The following TP53BP1 variants were observed in gnomAD, a reference collection of about 807,000 sequenced individuals.
The protein encoded by TP53BP1 is TP53-binding protein 1.
TP53BP1 carries 61 observed loss-of-function variants against 200.8 expected under a neutral mutation model. That is an observed-to-expected ratio of 0.30 (90% CI 0.25 to 0.38). The LOEUF (loss-of-function observed/expected upper bound fraction) is 0.38, where lower values mean the gene tolerates loss of function less well. TP53BP1 is among the 10% of genes least tolerant of loss of function. The pLI, the probability that TP53BP1 is intolerant of heterozygous loss-of-function variation, is 1.00. For missense variants in TP53BP1, 2,144 were observed against 2,371.9 expected (o/e 0.90, Z 2.00); for synonymous variants, 822 against 844.3 (o/e 0.97, Z 0.46).
chr15:43,420,355 G>A lies in TP53BP1; in HGVS notation c.4631C>T (p.Pro1544Leu). 1 of 1,613,906 alleles carries A rather than the reference G, an allele frequency of 6.2e-7. No homozygotes were observed. Among genetic ancestry groups the A allele is most frequent in the Non-Finnish European group, 8.5e-7 (1 of 1,179,978 alleles). Residue 1544 changes from proline (P) to leucine (L), a missense_variant, in exon 21 of 28, where the codon CCG (proline) becomes CTG (leucine). Pro to Leu is a moderately conservative substitution (Grantham distance 98). Transcript: ENST00000382044. ...GKDILLCDPIPLDTEVTALSE... is the reference protein window; with the variant it reads ...GKDILLCDPILLDTEVTALSE... ...GAGGGCCGTCACTTCAGTGTCCAGC[G>A]GGATGGGGTCACATAACAGAATGTC...
chr15:43,403,462 A>G lies in TP53BP1; in HGVS notation c.*3921T>C, dbSNP rs2044743168. 6.3e-6 allele frequency: 3 copies of G among 478,192 alleles called. No individual in the cohort carries two copies. The highest frequency in any genetic ancestry group is 3.7e-5 in the East Asian group (1 of 26,902). The allele number at this position is 478,192 out of a possible 1,614,324, so 29.6% of individuals were successfully genotyped here. A position where few individuals can be genotyped will look rare whatever the true frequency, so the allele number is the denominator to read the frequency against. ...TAGATTGGAGGTTTGGTGCAGGGCT[A>G]AGAGAGTAATACTCGCTTAGCCAGG... On this transcript the variant is annotated 3_prime_UTR_variant, in exon 28 of 28. Coordinates refer to ENST00000382044, the MANE Select transcript of TP53BP1 (RefSeq NM_001141980.3).
At chr15:43,441,460 T>G in intron 15 of TP53BP1, 66 bp downstream of exon 15, 6 of 1,056,702 alleles carry the variant, frequency 5.7e-6, no homozygotes, top group South Asian at 1.3e-5. Context: ...CCTTTGTTGA[T>G]AAACCATCTA....
intron 18 of TP53BP1, among the ~76,000 whole-genome samples, chr15:43,424,443 A>T (rs565007): frequency 0.28 from 42,934 of 152,176 alleles, 10,275 homozygotes; most frequent in African/African-American, 0.65. Context: ...TATTTTAACT[A>T]GATACACTTG....
chr15:43,491,097 G>C (rs1003296395), intron 4 of TP53BP1, among the ~76,000 whole-genome samples: 1 of 148,106 alleles, frequency 6.8e-6, no homozygotes, highest in African/African-American at 2.5e-5. Flanking sequence ...TTTTTGCTGA[G>C]ACGGAGTCTC....
chr15:43,411,641 G>GCGC (rs1301076188), intron 24 of TP53BP1, among the ~76,000 whole-genome samples: 1 of 152,256 alleles, frequency 6.6e-6, no homozygotes, highest in Non-Finnish European at 1.5e-5. Flanking sequence ...CTGTTGGGCT[G>GCGC]CGCCCAAGGA....
chr15:43,482,763 G>A (rs540421743), intron 4 of TP53BP1, among the ~76,000 whole-genome samples: 9 of 151,328 alleles, frequency 5.9e-5, no homozygotes, highest in South Asian at 2.1e-4. Flanking sequence ...GCGAGACTCC[G>A]TCTCAAAAAA....
intron 8 of TP53BP1, among the ~76,000 whole-genome samples, chr15:43,476,952 T>C (rs531054602): frequency 5.6e-4 from 85 of 152,300 alleles, no homozygotes; most frequent in African/African-American, 2.0e-3. Context: ...CAGATGAATA[T>C]GAAAAACCTA....
At chr15:43,485,699 C>A (rs539707986) in intron 4 of TP53BP1, among the ~76,000 whole-genome samples, 3 of 151,670 alleles carry the variant, frequency 2.0e-5, no homozygotes, top group African/African-American at 7.3e-5. Flanking sequence ...AAAAATTAGC[C>A]AGGCATGGTG....
intron 4 of TP53BP1, among the ~76,000 whole-genome samples, chr15:43,490,345 C>T (rs2079104127): frequency 1.3e-5 from 2 of 152,010 alleles, no homozygotes; most frequent in African/African-American, 4.8e-5. Flanking sequence ...ACCTCAGCCT[C>T]CCGAAGTGCT....
chr15:43,473,851 CCAGTCCTGTGCCGTGCTCCTGCACTCCT>C (rs1437287552), intron 10 of TP53BP1, among the ~76,000 whole-genome samples: 3 of 152,242 alleles, frequency 2.0e-5, no homozygotes, highest in Non-Finnish European at 2.9e-5. Context: ...GAGCTGCCTA[CCAGTCCTGTGCCGTGCTCCTGCACTCCT>C]CAGCCCTTTG....
At chr15:43,448,250 A>T (rs1033468348) in intron 12 of TP53BP1, among the ~76,000 whole-genome samples, 1 of 152,220 alleles carries the variant, frequency 6.6e-6, no homozygotes, top group Non-Finnish European at 1.5e-5. Flanking sequence ...AATTTTTGCT[A>T]ATCAGAACTA....
chr15:43,473,265 C>CA (rs1433197596), intron 10 of TP53BP1, among the ~76,000 whole-genome samples: 2 of 152,118 alleles, frequency 1.3e-5, no homozygotes, highest in African/African-American at 2.4e-5. Context: ...AGCGGGTTGC[C>CA]ACTGCTGGCT....
chr15:43,419,847 A>C (rs2045353912), intron 21 of TP53BP1, among the ~76,000 whole-genome samples: 1 of 152,226 alleles, frequency 6.6e-6, no homozygotes, highest in Non-Finnish European at 1.5e-5. Context: ...ATCAGAGCAG[A>C]CCAAAGGGTA....
Position 43,420,558 on chromosome 15 carries a change from A to C in TP53BP1, c.4428T>G (p.Ala1476=). Reference sequence around the variant, plus strand: ...AGGCATCTAAGCCATCAGAAGGGCCAGCAGCAGCCTGGAAAGGAATTTCTG... The same window carrying C: ...AGGCATCTAAGCCATCAGAAGGGCCCGCAGCAGCCTGGAAAGGAATTTCTG... ...DSPEIPFQAA[A]GPSDGLDASS... is the part of the protein sequence containing the mutation. Residue 1476 remains alanine, a synonymous_variant, in exon 21 of 28, where the codon GCT becomes GCG. Coordinates refer to ENST00000382044, the MANE Select transcript of TP53BP1 (RefSeq NM_001141980.3). 6.2e-7 allele frequency: 1 copy of C among 1,614,228 alleles called. No individual in the cohort carries two copies. Among genetic ancestry groups the C allele is most frequent in the South Asian group, 1.1e-5 (1 of 91,088 alleles).
At chr15:43,483,778 G>A (rs1450737275) in intron 4 of TP53BP1, among the ~76,000 whole-genome samples, 1 of 152,204 alleles carries the variant, frequency 6.6e-6, no homozygotes, top group Non-Finnish European at 1.5e-5. Flanking sequence ...TGGTAGAAAA[G>A]AAGCAATGAA....
chr15:43,404,098 C>G lies in TP53BP1; in HGVS notation c.*3285G>C. The G allele has an allele frequency of 1.9e-6, 1 of 517,790 alleles. No individual in the cohort carries two copies. The allele number at this position is 517,790 out of a possible 1,614,324, so 32.1% of individuals were successfully genotyped here. On this transcript the variant is annotated 3_prime_UTR_variant, in exon 28 of 28. Coordinates refer to ENST00000382044, the MANE Select transcript of TP53BP1 (RefSeq NM_001141980.3). Reference sequence around the variant, plus strand: ...CCTCCTTACTTCCTTGAACTAACCCCCATCTCACTGAGATAATTATCTGCT... The same window carrying G: ...CCTCCTTACTTCCTTGAACTAACCCGCATCTCACTGAGATAATTATCTGCT...
chr15:43,492,262 C>T lies in TP53BP1; in HGVS notation c.192+22G>A, dbSNP rs200288405. The T allele has an allele frequency of 3.7e-5, 59 of 1,596,868 alleles. No homozygotes were observed. In the Middle Eastern group the frequency reaches 5.0e-4, roughly 14 times the overall value. On this transcript the variant is annotated intron_variant, in intron 2 of 27. Coordinates refer to ENST00000382044, the MANE Select transcript of TP53BP1 (RefSeq NM_001141980.3). Reference sequence around the variant, plus strand: ...TAAAAAAAAAAATCTGCTCAATCTTCTTCAAACAAGGTATCACTCACCAAC... The same window carrying T: ...TAAAAAAAAAAATCTGCTCAATCTTTTTCAAACAAGGTATCACTCACCAAC...
At position 43,403,249 on chromosome 15, in the gene TP53BP1, A is replaced by T. The variant is rs1034085036; in HGVS notation, c.*4134T>A. 6.3e-6 allele frequency: 1 copy of T among 158,210 alleles called. No homozygotes were observed. Among genetic ancestry groups the T allele is most frequent in the African/African-American group, 2.4e-5 (1 of 41,584 alleles). 9.8% of individuals were successfully genotyped at this position (158,210 alleles called of 1,614,324 possible). On this transcript the variant is annotated 3_prime_UTR_variant, in exon 28 of 28. Transcript: ENST00000382044. ...GAACAATTGCCAAGTGGACAACAGT[A>T]CAGATAATAAAGAAGCAAGAAACGA...
intron 15 of TP53BP1, 197 bp downstream of exon 15, chr15:43,441,329 T>C: frequency 2.1e-6 from 1 of 485,018 alleles, no homozygotes; most frequent in East Asian, 3.2e-5. Flanking sequence ...TAGTTCTAGG[T>C]GTAGAAAAAA....
Sources: allele counts gnomAD v4.1 joint callset (sites outside exome capture counted in the v4.1 genomes callset), GRCh38; gene constraint gnomAD v4.1.1; transcripts MANE v1.5; gene names NCBI Gene and HGNC (gene_info 2026-07-23, HGNC 2026-07-21).